Variants in ZFAT observed in about 807,000 individuals in gnomAD.
The protein encoded by ZFAT is zinc finger protein ZFAT.
In ZFAT, 64 loss-of-function variants were observed where a neutral mutation model predicts 117.7. The observed-to-expected ratio is 0.54, with a 90% confidence interval of 0.44 to 0.67. ZFAT has a LOEUF of 0.67. Ranked by LOEUF, ZFAT falls within the 30% of genes least tolerant of loss-of-function variation. The pLI is 0.00. For missense variants in ZFAT, 1,433 were observed against 1,584.5 expected (o/e 0.90, Z 1.62); for synonymous variants, 679 against 615.0 (o/e 1.10, Z -1.54).
At chr8:134,728,774 A>G in the ZFAT span, among the ~76,000 whole-genome samples, 1 of 152,230 alleles carries the variant, frequency 6.6e-6, no homozygotes, top group Admixed American at 6.5e-5. Flanking sequence ...AGTCTATATT[A>G]AAATCAGTTT....
intron 7 of ZFAT, chr8:134,597,783 C>G (rs1370518143): frequency 4.6e-5 from 7 of 152,114 alleles, no homozygotes; most frequent in Non-Finnish European, 8.8e-5. Context: ...GCTGGAAGAA[C>G]TGCAAATATC....
chr8:134,657,781 A>G, intron 1 of ZFAT, 44 bp from the exon 2 acceptor site: 1 of 1,587,760 alleles, frequency 6.3e-7, no homozygotes, highest in South Asian at 1.1e-5. Context: ...ATCTCCACAT[A>G]AACAATTATT....
At chr8:134,644,094 G>A (rs1830737832) in intron 2 of ZFAT, among the ~76,000 whole-genome samples, 1 of 152,176 alleles carries the variant, frequency 6.6e-6, no homozygotes, top group South Asian at 2.1e-4. Context: ...TAACCGCGCA[G>A]AGGCACTCGC....
the ZFAT span, among the ~76,000 whole-genome samples, chr8:134,810,397 C>T: frequency 6.6e-6 from 1 of 152,150 alleles, no homozygotes; most frequent in Non-Finnish European, 1.5e-5. Flanking sequence ...TTATTATGCA[C>T]CTAATTTCAA....
the ZFAT span, among the ~76,000 whole-genome samples, chr8:134,829,928 A>T: frequency 6.6e-6 from 1 of 152,262 alleles, no homozygotes; most frequent in African/African-American, 2.4e-5. Flanking sequence ...TATTTCAAAA[A>T]AAGTCAAAGA....
chr8:134,600,335 C>T, intron 7 of ZFAT, 101 bp downstream of exon 7: 1 of 1,078,890 alleles, frequency 9.3e-7, no homozygotes, highest in South Asian at 1.3e-5. Context: ...TCTATGTTTT[C>T]AGGGCTGACC....
intron 3 of ZFAT, among the ~76,000 whole-genome samples, chr8:134,620,773 G>A (rs565858441): frequency 6.6e-6 from 1 of 152,302 alleles, no homozygotes; most frequent in South Asian, 2.1e-4. Flanking sequence ...AGAAAACCCG[G>A]TTGAGTCCCT....
chr8:134,693,963 G>A (rs996389949), intron 1 of ZFAT, among the ~76,000 whole-genome samples: 1 of 152,262 alleles, frequency 6.6e-6, no homozygotes, highest in East Asian at 1.9e-4. Flanking sequence ...TTATTTCTGC[G>A]CAATTCCTGC....
At chr8:134,632,991 G>A (rs1586854813) in intron 3 of ZFAT, among the ~76,000 whole-genome samples, 1 of 152,190 alleles carries the variant, frequency 6.6e-6, no homozygotes, top group South Asian at 2.1e-4. Flanking sequence ...AAAGGATAAA[G>A]GCTATCTGAG....
At chr8:134,780,520 T>G in the ZFAT span, among the ~76,000 whole-genome samples, 1 of 152,370 alleles carries the variant, frequency 6.6e-6, no homozygotes, top group African/African-American at 2.4e-5. Context: ...CTCTTTACTA[T>G]TTAACACTTG....
At chr8:134,584,107 G>T in intron 9 of ZFAT, 102 bp from the exon 10 acceptor site, 1 of 1,231,144 alleles carries the variant, frequency 8.1e-7, no homozygotes, top group Non-Finnish European at 1.1e-6. Context: ...TACACTTATA[G>T]ATATGTATAT....
intron 1 of ZFAT, among the ~76,000 whole-genome samples, chr8:134,688,218 A>G (rs1833427133): frequency 6.6e-6 from 1 of 152,266 alleles, no homozygotes; most frequent in South Asian, 2.1e-4. Flanking sequence ...AGAAACGTTC[A>G]GCCAGACAGC....
At chr8:134,683,166 G>T (rs1253746881) in intron 1 of ZFAT, among the ~76,000 whole-genome samples, 1 of 152,174 alleles carries the variant, frequency 6.6e-6, no homozygotes, top group Non-Finnish European at 1.5e-5. Context: ...GCTCCCTTGG[G>T]GGCATGGAGG....
chr8:134,804,902 T>A, the ZFAT span: 3 of 534,424 alleles, frequency 5.6e-6, no homozygotes, highest in African/African-American at 5.8e-5. Flanking sequence ...GACTGAAAGC[T>A]TAGCTGTGTC....
At chr8:134,625,492 C>CAAGT (rs997585705) in intron 3 of ZFAT, among the ~76,000 whole-genome samples, 1 of 152,230 alleles carries the variant, frequency 6.6e-6, no homozygotes, top group Non-Finnish European at 1.5e-5. Flanking sequence ...AACGCTCCAG[C>CAAGT]AAGTGGTCCT....
At chr8:134,497,768 C>G (rs1438562057) in intron 15 of ZFAT, among the ~76,000 whole-genome samples, 15 of 109,962 alleles carry the variant, frequency 1.4e-4, no homozygotes, top group African/African-American at 4.9e-4. Context: ...TGGTTACACA[C>G]AGAGCCTGAT....
At chr8:134,664,337 C>T (rs546743630) in intron 1 of ZFAT, among the ~76,000 whole-genome samples, 2 of 152,282 alleles carry the variant, frequency 1.3e-5, no homozygotes, top group Non-Finnish European at 2.9e-5. Flanking sequence ...CCAGGGTCAG[C>T]GCCAGTAAAG....
chr8:134,557,974 T>C (rs1823774732), intron 11 of ZFAT, among the ~76,000 whole-genome samples: 1 of 152,218 alleles, frequency 6.6e-6, no homozygotes, highest in Non-Finnish European at 1.5e-5. Flanking sequence ...CAGTACACTG[T>C]CTAGCAGATT....
chr8:134,536,769 G>A (rs1821872889), intron 11 of ZFAT, among the ~76,000 whole-genome samples: 1 of 152,156 alleles, frequency 6.6e-6, no homozygotes, highest in East Asian at 1.9e-4. Flanking sequence ...CAGGTTTTGG[G>A]ACTTAAATAT....
Sources: allele counts gnomAD v4.1 joint callset (sites outside exome capture counted in the v4.1 genomes callset), GRCh38; gene constraint gnomAD v4.1.1; transcripts MANE v1.5; gene names NCBI Gene and HGNC (gene_info 2026-07-23, HGNC 2026-07-21).